The following CCDC3 variants were observed in gnomAD, a reference collection of about 807,000 sequenced individuals.
CCDC3 encodes the protein coiled-coil domain containing 3, also known as coiled-coil domain-containing protein 3.
A neutral mutation model predicts 21.4 loss-of-function variants in CCDC3; 24 were observed. That is an observed-to-expected ratio of 1.12 (90% CI 0.81 to 1.58). The LOEUF (loss-of-function observed/expected upper bound fraction) is 1.58, where lower values mean the gene tolerates loss of function less well. Among genes scored for constraint, CCDC3 ranks in the 40% most tolerant of loss-of-function variants. The pLI, the probability that CCDC3 is intolerant of heterozygous loss-of-function variation, is 0.00. For synonymous variants in CCDC3, 186 were observed against 166.0 expected, an observed-to-expected ratio of 1.12 and a Z score of -0.93; for missense variants, 425 against 360.9, an observed-to-expected ratio of 1.18 and a Z score of -1.44.
chr10:13,032,325 T>C (rs1644129474), intron 5 of CCDC3, among the ~76,000 whole-genome samples: 1 of 152,182 alleles, frequency 6.6e-6, no homozygotes, highest in Non-Finnish European at 1.5e-5. Context: ...AAACTAGGTA[T>C]TGATGGGACG....
chr10:13,077,045 A>G (rs1836973275), intron 3 of CCDC3, among the ~76,000 whole-genome samples: 1 of 152,220 alleles, frequency 6.6e-6, no homozygotes, highest in Non-Finnish European at 1.5e-5. Flanking sequence ...AAGGGTATTC[A>G]ATTAGGAAAA....
chr10:13,063,147 G>C (rs1043374700), intron 4 of CCDC3, among the ~76,000 whole-genome samples: 3 of 151,440 alleles, frequency 2.0e-5, no homozygotes, highest in Admixed American at 6.6e-5. Flanking sequence ...CCGAATGTTC[G>C]GGGAGACTGA....
intron 2 of CCDC3, among the ~76,000 whole-genome samples, chr10:12,933,871 TTTA>T (rs1333795358): frequency 6.6e-6 from 1 of 152,048 alleles, no homozygotes; most frequent in Non-Finnish European, 1.5e-5. Flanking sequence ...TGGATAGAGG[TTTA>T]TTGATTTTAT....
chr10:12,923,521 C>T (rs184986927), intron 2 of CCDC3, among the ~76,000 whole-genome samples: 1 of 152,262 alleles, frequency 6.6e-6, no homozygotes. Context: ...CTGCCTGAAA[C>T]CCACCACCTC....
chr10:13,079,206 G>A (rs1486441594), intron 3 of CCDC3, among the ~76,000 whole-genome samples: 1 of 152,204 alleles, frequency 6.6e-6, no homozygotes, highest in Admixed American at 6.5e-5. Flanking sequence ...ATAACAAAAT[G>A]GTGGCACATA....
intron 5 of CCDC3, among the ~76,000 whole-genome samples, chr10:13,047,405 C>T (rs1414103321): frequency 2.6e-5 from 4 of 152,044 alleles, no homozygotes; most frequent in Admixed American, 1.3e-4. Context: ...GATCACAGTG[C>T]CCTTTGAAAT....
Position 12,901,141 on chromosome 10 carries a change from C to T in CCDC3, c.550-2462G>A, listed in dbSNP as rs369690564. Among the ~76,000 whole-genome samples, 170 of 152,320 alleles carry T rather than the reference C, an allele frequency of 1.1e-3. 1 individual carries two copies. The highest frequency in any genetic ancestry group is 3.8e-3 in the African/African-American group (159 of 41,574). Reference sequence around the variant, plus strand: ...CCATTGCTGGGTGTCCTGGGGTAGGCTACAGCCTTTGTTGAGACTGGATCA... The same window carrying T: ...CCATTGCTGGGTGTCCTGGGGTAGGTTACAGCCTTTGTTGAGACTGGATCA... On this transcript the variant is annotated intron_variant, in intron 2 of 2. Coordinates refer to ENST00000378825, the MANE Select transcript of CCDC3 (RefSeq NM_031455.4).
At chr10:12,909,596 CCT>C (rs1834233186) in intron 2 of CCDC3, among the ~76,000 whole-genome samples, 1 of 152,184 alleles carries the variant, frequency 6.6e-6, no homozygotes, top group South Asian at 2.1e-4. Context: ...TCTGTGGACC[CCT>C]GTGCTTAGTG....
intron 3 of CCDC3, among the ~76,000 whole-genome samples, chr10:13,082,357 C>T (rs1837052436): frequency 6.6e-6 from 1 of 152,250 alleles, no homozygotes. Context: ...GCCATTATTT[C>T]TGCATATCAG....
chr10:13,078,148 TAAAC>T (rs1289431280), intron 3 of CCDC3, among the ~76,000 whole-genome samples: 3 of 152,096 alleles, frequency 2.0e-5, no homozygotes, highest in Admixed American at 2.0e-4. Flanking sequence ...ACAAAGAACT[TAAAC>T]AAATTTATAA....
chr10:12,963,028 T>C (rs555140511), intron 2 of CCDC3, among the ~76,000 whole-genome samples: 17 of 152,338 alleles, frequency 1.1e-4, no homozygotes, highest in Admixed American at 5.2e-4. Flanking sequence ...AGTAATGGGA[T>C]CTATGCTTTT....
chr10:12,994,117 G>C (rs1259867796), intron 2 of CCDC3, among the ~76,000 whole-genome samples: 3 of 152,192 alleles, frequency 2.0e-5, no homozygotes, highest in African/African-American at 7.2e-5. Flanking sequence ...GCATCTAGAG[G>C]TGGGGCATGG....
intron 3 of CCDC3, among the ~76,000 whole-genome samples, chr10:13,093,273 A>T (rs759110884): frequency 6.6e-6 from 1 of 152,182 alleles, no homozygotes; most frequent in Non-Finnish European, 1.5e-5. Context: ...AAGAGAGAGA[A>T]TGAGAACCAA....
chr10:12,965,184 C>A (rs2580912), intron 2 of CCDC3, among the ~76,000 whole-genome samples: 131,336 of 152,214 alleles, frequency 0.86, 57,840 homozygotes, highest in East Asian at 1. Context: ...TACATCCCCC[C>A]TCCCTGCTTT....
intron 4 of CCDC3, among the ~76,000 whole-genome samples, chr10:13,061,094 C>T (rs183034524): frequency 6.6e-6 from 1 of 152,228 alleles, no homozygotes; most frequent in African/African-American, 2.4e-5. Context: ...TTTAATAATC[C>T]CTGTCTCAGA....
intron 2 of CCDC3, among the ~76,000 whole-genome samples, chr10:12,923,845 AAC>A (rs2131219396): frequency 6.6e-6 from 1 of 152,324 alleles, no homozygotes; most frequent in South Asian, 2.1e-4. Flanking sequence ...GGTTTCAGAC[AAC>A]CTCTGCTGTC....
At chr10:13,017,583 TCCAA>T (rs1343077059) in intron 5 of CCDC3, among the ~76,000 whole-genome samples, 1 of 151,394 alleles carries the variant, frequency 6.6e-6, no homozygotes, top group Non-Finnish European at 1.5e-5. Context: ...TTCAAGTCCA[TCCAA>T]CCAATTTCCC....
chr10:13,058,322 T>C (rs1836709206), intron 4 of CCDC3: 7 of 1,320,450 alleles, frequency 5.3e-6, no homozygotes, highest in East Asian at 2.3e-5. Flanking sequence ...TTGGCCTTCA[T>C]AGATCTTGTC....
At chr10:13,013,977 C>A (rs1025386229) in intron 5 of CCDC3, among the ~76,000 whole-genome samples, 5 of 151,696 alleles carry the variant, frequency 3.3e-5, no homozygotes, top group Non-Finnish European at 7.4e-5. Context: ...ATGGCGAAAC[C>A]CCATCTCTAC....
Sources: allele counts gnomAD v4.1 joint callset (sites outside exome capture counted in the v4.1 genomes callset), GRCh38; gene constraint gnomAD v4.1.1; transcripts MANE v1.5; gene names NCBI Gene and HGNC (gene_info 2026-07-23, HGNC 2026-07-21).